The following MBOAT1 variants were observed in gnomAD, a reference collection of about 807,000 sequenced individuals.
The protein encoded by MBOAT1 is membrane bound glycerophospholipid O-acyltransferase 1, also known as membrane-bound glycerophospholipid O-acyltransferase 1.
MBOAT1 carries 67 observed loss-of-function variants against 64.4 expected under a neutral mutation model. The observed-to-expected ratio is 1.04, with a 90% confidence interval of 0.85 to 1.27. The LOEUF (loss-of-function observed/expected upper bound fraction) is 1.27, where lower values mean the gene tolerates loss of function less well. Among genes scored for constraint, MBOAT1 ranks in the 50% most tolerant of loss-of-function variants. MBOAT1 has a pLI of 0.00. For missense variants in MBOAT1, 563 were observed against 604.6 expected, an observed-to-expected ratio of 0.93 and a Z score of 0.72; for synonymous variants, 229 against 218.9, an observed-to-expected ratio of 1.05 and a Z score of -0.41.
At position 20,126,624 on chromosome 6, in the gene MBOAT1, A is replaced by C; in HGVS notation, c.607T>G (p.Phe203Val). 1 of 1,613,890 alleles carries C rather than the reference A, an allele frequency of 6.2e-7. No individual in the cohort carries two copies. The highest frequency in any genetic ancestry group is 2.2e-5 in the East Asian group (1 of 44,880). The change falls in exon 7 of 13, where the codon TTC (phenylalanine) becomes GTC (valine). Residue 203 changes from phenylalanine to valine, a missense_variant. By Grantham distance (50) the Phe-to-Val change is conservative. Coordinates refer to ENST00000324607, the MANE Select transcript of MBOAT1 (RefSeq NM_001080480.3). ...TCAATGAAGGCTATGTAGTCCTTGA[A>C]ATTGTTACAAGGACCAGCTATGACA... ...MSVIAGPCNN[F>V]KDYIAFIEGK...
chr6:20,186,732 C>CA (rs1468215029), intron 1 of MBOAT1, among the ~76,000 whole-genome samples: 10 of 152,218 alleles, frequency 6.6e-5, no homozygotes, highest in Admixed American at 6.5e-4. Flanking sequence ...GGACTTAAGA[C>CA]AACTACGTGA....
intron 1 of MBOAT1, among the ~76,000 whole-genome samples, chr6:20,182,823 T>C (rs1284480341): frequency 6.6e-6 from 1 of 152,186 alleles, no homozygotes; most frequent in Non-Finnish European, 1.5e-5. Context: ...AAAGTTGATA[T>C]CTGGAACTCT....
chr6:20,179,255 T>C (rs551917258), intron 1 of MBOAT1, among the ~76,000 whole-genome samples: 1 of 152,314 alleles, frequency 6.6e-6, no homozygotes, highest in Admixed American at 6.5e-5. Flanking sequence ...TTAGTCAAAC[T>C]GAGGTGCTTA....
rs112784607 is a variant in MBOAT1 at position 20,124,243 on chromosome 6, G to C, written c.907+165C>G. ...GGAGAACTGAGTTTATGGAGGGTGG[G>C]AGAGAGGAGTGCTATGTTGGTACGT... On this transcript the variant is annotated intron_variant, in intron 8 of 12. Transcript: ENST00000324607. Among the ~76,000 whole-genome samples the C allele has an allele frequency of 2.5e-3, 384 of 152,246 alleles. 3 individuals are homozygous for C. Among genetic ancestry groups the C allele is most frequent in the African/African-American group, 8.0e-3 (333 of 41,538 alleles).
At chr6:20,130,542 C>T (rs575543991) in intron 5 of MBOAT1, among the ~76,000 whole-genome samples, 16 of 152,154 alleles carry the variant, frequency 1.1e-4, no homozygotes, top group Admixed American at 2.6e-4. Flanking sequence ...TTAGTAGAGA[C>T]GGGGGTTTCA....
At chr6:20,114,848 C>T (rs1048385796) in intron 10 of MBOAT1, among the ~76,000 whole-genome samples, 1 of 148,878 alleles carries the variant, frequency 6.7e-6, no homozygotes, top group Admixed American at 6.7e-5. Flanking sequence ...TGCACCATTG[C>T]ACTCTAATTT....
intron 1 of MBOAT1, among the ~76,000 whole-genome samples, chr6:20,193,336 G>C (rs1762862667): frequency 6.6e-6 from 1 of 151,986 alleles, no homozygotes; most frequent in Non-Finnish European, 1.5e-5. Context: ...TTTTTGCATG[G>C]ATTCTTCTGG....
chr6:20,145,967 C>A (rs1388068592), intron 3 of MBOAT1, among the ~76,000 whole-genome samples: 2 of 152,194 alleles, frequency 1.3e-5, no homozygotes, highest in African/African-American at 4.8e-5. Context: ...CATGCTAACA[C>A]ACATAATTAC....
At chr6:20,151,860 C>A (rs983771308) in intron 2 of MBOAT1, among the ~76,000 whole-genome samples, 1 of 152,208 alleles carries the variant, frequency 6.6e-6, no homozygotes, top group Non-Finnish European at 1.5e-5. Context: ...CTGCACTAAA[C>A]GCATTGTTCT....
At chr6:20,132,844 T>C (rs908536760) in intron 4 of MBOAT1, among the ~76,000 whole-genome samples, 1 of 152,234 alleles carries the variant, frequency 6.6e-6, no homozygotes, top group Non-Finnish European at 1.5e-5. Context: ...TACTAGTCTA[T>C]ATAAAAACAC....
intron 1 of MBOAT1, among the ~76,000 whole-genome samples, chr6:20,193,516 T>C (rs7766133): frequency 0.54 from 81,520 of 151,764 alleles, 23,998 homozygotes; most frequent in Non-Finnish European, 0.66. Context: ...TTTGATGTTA[T>C]GGGCAGAGAA....
Position 20,212,241 on chromosome 6 carries a change from T to C in MBOAT1, c.-7A>G. 1 of 1,610,070 alleles carries C rather than the reference T, an allele frequency of 6.2e-7. No individual in the cohort carries two copies. Among genetic ancestry groups the C allele is most frequent in the South Asian group, 1.1e-5 (1 of 90,442 alleles). ...GCTGCGGCTCTGCTGCCATCCTGCA[T>C]CTTCGGGAGGTGGCTGCCCCTGTCC... is the stretch of plus-strand genomic sequence containing the variant. On this transcript the variant is annotated 5_prime_UTR_variant, in exon 1 of 13. The change abolishes an upstream ATG in the 5' untranslated region. Coordinates refer to ENST00000324607, the MANE Select transcript of MBOAT1 (RefSeq NM_001080480.3).
At chr6:20,117,597 C>T (rs1422156805) in intron 9 of MBOAT1, among the ~76,000 whole-genome samples, 4 of 152,184 alleles carry the variant, frequency 2.6e-5, no homozygotes, top group Non-Finnish European at 5.9e-5. Context: ...TTCCACCCAA[C>T]GTGGGTGGCA....
intron 1 of MBOAT1, among the ~76,000 whole-genome samples, chr6:20,209,905 T>G (rs1763372582): frequency 6.6e-6 from 1 of 152,170 alleles, no homozygotes; most frequent in South Asian, 2.1e-4. Flanking sequence ...CTCTGATTCT[T>G]CATGACCTCC....
intron 1 of MBOAT1, among the ~76,000 whole-genome samples, chr6:20,210,568 C>T (rs1268184535): frequency 2.0e-5 from 3 of 152,020 alleles, no homozygotes; most frequent in Non-Finnish European, 4.4e-5. Flanking sequence ...TTCGGTTTAT[C>T]CCAGAAGTCT....
intron 1 of MBOAT1, among the ~76,000 whole-genome samples, chr6:20,198,738 T>C (rs1454095087): frequency 6.6e-6 from 1 of 152,238 alleles, no homozygotes; most frequent in African/African-American, 2.4e-5. Flanking sequence ...AAGAGGTTTT[T>C]CAGCTCTCAT....
intron 12 of MBOAT1, among the ~76,000 whole-genome samples, chr6:20,107,323 G>A (rs190000006): frequency 7.2e-5 from 11 of 152,040 alleles, no homozygotes; most frequent in Non-Finnish European, 1.5e-4. Flanking sequence ...CTACACTATG[G>A]GGGGCTACAT....
chr6:20,168,694 AGAGAG>A (rs1762102475), intron 1 of MBOAT1, among the ~76,000 whole-genome samples: 1 of 131,088 alleles, frequency 7.6e-6, no homozygotes, highest in Non-Finnish European at 1.6e-5. Context: ...AGAAAGAAGA[AGAGAG>A]GAGAGGAGGG....
At chr6:20,167,563 G>A (rs113547385) in intron 1 of MBOAT1, among the ~76,000 whole-genome samples, 10 of 152,282 alleles carry the variant, frequency 6.6e-5, no homozygotes, top group African/African-American at 2.4e-4. Context: ...CTGAACTAAC[G>A]TTTCTAAGTG....
Sources: allele counts gnomAD v4.1 joint callset (sites outside exome capture counted in the v4.1 genomes callset), GRCh38; gene constraint gnomAD v4.1.1; transcripts MANE v1.5; gene names NCBI Gene and HGNC (gene_info 2026-07-23, HGNC 2026-07-21).